The following INTS8 variants were observed in gnomAD, a reference collection of about 807,000 sequenced individuals.
The protein encoded by INTS8 is integrator complex subunit 8, also known as protein kaonashi-1.
In INTS8, 47 loss-of-function variants were observed where a neutral mutation model predicts 138.9. The observed-to-expected ratio is 0.34, with a 90% CI of 0.27 to 0.43. The LOEUF (loss-of-function observed/expected upper bound fraction) is 0.43. INTS8 is among the 20% of genes least tolerant of loss of function. The probability of loss-of-function intolerance (pLI) is 1.00; values close to 1 mark genes in which losing one functional copy is unlikely to be tolerated. For synonymous variants in INTS8, 392 were observed against 400.9 expected (o/e 0.98, Z 0.27); for missense variants, 996 against 1,173.0 (o/e 0.85, Z 2.20).
At chr8:94,864,353 C>G (rs906835593) in intron 16 of INTS8, among the ~76,000 whole-genome samples, 1 of 152,138 alleles carries the variant, frequency 6.6e-6, no homozygotes, top group Non-Finnish European at 1.5e-5. Flanking sequence ...ATCCTTGCTA[C>G]TGCACCCTCT....
At chr8:94,837,175 AATTTTT>A (rs1814955531) in intron 7 of INTS8, among the ~76,000 whole-genome samples, 1 of 152,160 alleles carries the variant, frequency 6.6e-6, no homozygotes, top group Non-Finnish European at 1.5e-5. Flanking sequence ...GTGTTTAACA[AATTTTT>A]ATTTTTATTT....
chr8:94,872,245 T>C (rs2131072694), intron 21 of INTS8, among the ~76,000 whole-genome samples: 1 of 152,146 alleles, frequency 6.6e-6, no homozygotes, highest in Non-Finnish European at 1.5e-5. Flanking sequence ...TTTTTTTTTG[T>C]GTGTGTGTGA....
intron 20 of INTS8, among the ~76,000 whole-genome samples, chr8:94,871,275 T>A (rs764754748): frequency 6.7e-6 from 1 of 149,296 alleles, no homozygotes; most frequent in Non-Finnish European, 1.5e-5. Flanking sequence ...GAGACCAGCC[T>A]GGCCAACATG....
chr8:94,843,848 G>C (rs1815228440), intron 10 of INTS8, among the ~76,000 whole-genome samples: 1 of 152,112 alleles, frequency 6.6e-6, no homozygotes, highest in Admixed American at 6.5e-5. Flanking sequence ...GTTCTCATCA[G>C]TCAACATCCT....
Position 94,827,290 on chromosome 8 carries a change from A to G in INTS8, c.333A>G (p.Leu111=), listed in dbSNP as rs375805430. The G allele has an allele frequency of 8.1e-6, 13 of 1,613,310 alleles. No homozygotes were observed. The highest frequency in any genetic ancestry group is 7.6e-6 in the Non-Finnish European group (9 of 1,179,372). ...KSLSVPVLNM[L]LNELLCISKV... ...TGTCTGTTCCAGTATTGAATATGCT[A>G]CTAAATGAACTACTCTGCATCAGTA... The change falls in exon 3 of 27, where the codon CTA becomes CTG. Residue 111 remains leucine, a synonymous_variant. Coordinates refer to ENST00000523731, the MANE Select transcript of INTS8 (RefSeq NM_017864.4).
chr8:94,836,678 T>A (rs985613110), intron 7 of INTS8, 47 bp downstream of exon 7: 10 of 1,172,676 alleles, frequency 8.5e-6, no homozygotes, highest in East Asian at 2.4e-5. Context: ...CTTTAAAACA[T>A]CTATACATTT....
chr8:94,850,478 G>C (rs897878004), intron 12 of INTS8, among the ~76,000 whole-genome samples: 2 of 152,142 alleles, frequency 1.3e-5, no homozygotes, highest in Non-Finnish European at 2.9e-5. Flanking sequence ...CAGGCATGGT[G>C]GTGGGCGCCT....
At chr8:94,838,771 T>C (rs936868970) in intron 8 of INTS8, among the ~76,000 whole-genome samples, 153 bp downstream of exon 8, 1 of 152,214 alleles carries the variant, frequency 6.6e-6, no homozygotes. Context: ...ATTATCCCAT[T>C]TCCTAAGATT....
At chr8:94,858,201 A>ATT (rs1563660816) in intron 15 of INTS8, among the ~76,000 whole-genome samples, 1 of 152,246 alleles carries the variant, frequency 6.6e-6, no homozygotes, top group African/African-American at 2.4e-5. Context: ...ATTTAATAGT[A>ATT]TAAACAGTGG....
In INTS8 at chr8:94,824,784, T is replaced by TCC. The variant is rs34078782; in HGVS notation, c.131-98_131-97dup. On this transcript the variant is annotated intron_variant, in intron 1 of 26. Transcript: ENST00000523731. Reference sequence around the variant, plus strand: ...TTTGTGGCAAAAAAAAAACCCAAACTCCCCCCCCCCCCACCCACCCCCCCA... The same window carrying TCC: ...TTTGTGGCAAAAAAAAAACCCAAACTCCCCCCCCCCCCCCACCCACCCCCCCA... The TCC allele has an allele frequency of 3.4e-3, 207 of 61,646 alleles. 6 individuals are homozygous for TCC. The highest frequency in any genetic ancestry group is 0.011 in the African/African-American group (155 of 14,478). The allele number at this position is 61,646 out of a possible 1,614,324, so 3.8% of individuals were successfully genotyped here.
chr8:94,837,797 T>C (rs1312715729), intron 7 of INTS8, among the ~76,000 whole-genome samples: 1 of 152,196 alleles, frequency 6.6e-6, no homozygotes, highest in Non-Finnish European at 1.5e-5. Flanking sequence ...GCAAACTTTC[T>C]TTGTAAAGGG....
intron 20 of INTS8, chr8:94,868,907 A>G (rs1213585634): frequency 6.6e-6 from 1 of 151,194 alleles, no homozygotes; most frequent in Non-Finnish European, 1.5e-5. Context: ...CCTAGCCTCT[A>G]GAGATCTGCC....
rs1387203943 is a variant in INTS8, at chr8:94,823,491, G to C, written c.60G>C (p.Pro20=). 2 of 1,555,868 alleles carry C rather than the reference G, an allele frequency of 1.3e-6. No homozygotes were observed. Among genetic ancestry groups the C allele is most frequent in the South Asian group, 2.4e-5 (2 of 84,580 alleles). The change falls in exon 1 of 27, where the codon CCG becomes CCC. Residue 20 remains proline (P), a synonymous_variant. Transcript: ENST00000523731. ...AATSSRPCTP[P]QTCWFEFLLE... Reference sequence around the variant, plus strand: ...CCTCCAGCCGGCCCTGCACCCCGCCGCAGACCTGCTGGTTTGAGTTTCTGC... The same window carrying C: ...CCTCCAGCCGGCCCTGCACCCCGCCCCAGACCTGCTGGTTTGAGTTTCTGC...
At chr8:94,857,212 A>G (rs1431653076) in intron 15 of INTS8, among the ~76,000 whole-genome samples, 1 of 151,524 alleles carries the variant, frequency 6.6e-6, no homozygotes, top group Non-Finnish European at 1.5e-5. Flanking sequence ...TGCTGGGATT[A>G]AAGGAACCCA....
intron 5 of INTS8, among the ~76,000 whole-genome samples, chr8:94,830,178 G>A (rs1225942492): frequency 6.6e-6 from 1 of 152,206 alleles, no homozygotes; most frequent in Non-Finnish European, 1.5e-5. Context: ...TTACAGGTGT[G>A]AGCCACTGTA....
Position 94,873,534 on chromosome 8 carries a change from G to A in INTS8, c.2637+57G>A, listed in dbSNP as rs1015551512. The stretch of plus-strand genomic sequence containing the variant: ...TGCCTACCTGTATATGTTCTTCCTG[G>A]GTCCCCTTTTGGCTGAACTTACCCA... On this transcript the variant is annotated intron_variant, in intron 22 of 26. Transcript: ENST00000523731. The A allele has an allele frequency of 2.4e-5, 28 of 1,148,452 alleles. No homozygotes were observed. In the Admixed American group the frequency reaches 4.8e-4, roughly 20 times the overall value. The allele number at this position is 1,148,452 out of a possible 1,614,324, so 71.1% of individuals were successfully genotyped here.
chr8:94,830,943 G>A (rs1490474763), intron 5 of INTS8, among the ~76,000 whole-genome samples: 1 of 151,938 alleles, frequency 6.6e-6, no homozygotes, highest in Non-Finnish European at 1.5e-5. Context: ...GATTATAGGC[G>A]TGCTCCACCA....
intron 7 of INTS8, among the ~76,000 whole-genome samples, chr8:94,837,627 T>C (rs1461697064): frequency 6.6e-6 from 1 of 152,222 alleles, no homozygotes; most frequent in African/African-American, 2.4e-5. Context: ...TTATGCTCTT[T>C]GCTCGCTCCT....
At chr8:94,866,238 A>T (rs370992780) in intron 18 of INTS8, 47 bp downstream of exon 18, 23 of 948,782 alleles carry the variant, frequency 2.4e-5, no homozygotes, top group Admixed American at 1.2e-4. Flanking sequence ...TGGTTTTTGT[A>T]GAATATGACT....
Sources: allele counts gnomAD v4.1 joint callset (sites outside exome capture counted in the v4.1 genomes callset), GRCh38; gene constraint gnomAD v4.1.1; transcripts MANE v1.5; gene names NCBI Gene and HGNC (gene_info 2026-07-23, HGNC 2026-07-21).